The following TMEM131 variants were observed in gnomAD, a reference collection of about 807,000 sequenced individuals.
TMEM131 encodes the protein 2610524E03Rik.
Under a neutral mutation model 211.6 loss-of-function variants are expected in TMEM131, and 66 were observed. The ratio of observed to expected loss-of-function variants is 0.31; its 90% CI spans 0.26 to 0.38. TMEM131 has a LOEUF of 0.38. Among genes scored for constraint, TMEM131 ranks in the 10% least tolerant of loss-of-function variants. TMEM131 has a pLI of 1.00. For synonymous variants in TMEM131, 844 were observed against 841.3 expected, an observed-to-expected ratio of 1.00 and a Z score of -0.06; for missense variants, 2,036 against 2,299.3, an observed-to-expected ratio of 0.89 and a Z score of 2.34.
At chr2:97,966,818 A>G (rs1296575907) in intron 1 of TMEM131, among the ~76,000 whole-genome samples, 1 of 152,190 alleles carries the variant, frequency 6.6e-6, no homozygotes, top group African/African-American at 2.4e-5. Context: ...CATGAGGACT[A>G]GTTAACTTGC....
rs559745666 is a variant in TMEM131, at chr2:97,857,487, C to T, written c.483+1817G>A. 3.9e-5 allele frequency among the ~76,000 whole-genome samples: 6 copies of T among 152,254 alleles called. No individual in the cohort carries two copies. In the East Asian group the frequency reaches 9.6e-4, roughly 24 times the overall value. On this transcript the variant is annotated intron_variant, in intron 5 of 40. Transcript: ENST00000186436. ...AGGTGAAGCTTGAAGTGTTCAGAAA[C>T]AACAAAATATTGCTTGACTTAGCAA...
At chr2:97,918,426 A>C (rs1352899413) in intron 2 of TMEM131, among the ~76,000 whole-genome samples, 1 of 152,216 alleles carries the variant, frequency 6.6e-6, no homozygotes, top group African/African-American at 2.4e-5. Flanking sequence ...TAGCTATAAA[A>C]TCTTCTTGCC....
intron 25 of TMEM131, among the ~76,000 whole-genome samples, chr2:97,798,111 G>A (rs1680855463): frequency 6.6e-6 from 1 of 152,192 alleles, no homozygotes; most frequent in Non-Finnish European, 1.5e-5. Flanking sequence ...TTATTTTGAA[G>A]GTTACACACG....
rs573477279 is a variant in TMEM131 at position 97,817,394 on chromosome 2, C to T, written c.1183+1219G>A. 2.6e-5 allele frequency among the ~76,000 whole-genome samples: 4 copies of T among 152,252 alleles called. No individual in the cohort carries two copies. In the South Asian group the frequency reaches 8.3e-4, roughly 32 times the overall value. ...CCTGAGGTCAGGAGTTTGAGACCAG[C>T]CTGGCCAACATGGTGAAACCCTGTC... is the stretch of plus-strand genomic sequence containing the variant. On this transcript the variant is annotated intron_variant, in intron 12 of 40. Coordinates refer to ENST00000186436, the MANE Select transcript of TMEM131 (RefSeq NM_015348.2).
At chr2:97,802,857 T>G in intron 22 of TMEM131, 67 bp from the exon 23 acceptor site, 1 of 1,351,304 alleles carries the variant, frequency 7.4e-7, no homozygotes, top group Non-Finnish European at 1.0e-6. Flanking sequence ...CATAAGAAAT[T>G]CAATTAGGCT....
intron 7 of TMEM131, among the ~76,000 whole-genome samples, chr2:97,837,502 TG>T (rs1424957200): frequency 6.6e-6 from 1 of 152,250 alleles, no homozygotes; most frequent in Non-Finnish European, 1.5e-5. Flanking sequence ...ACATAAATTT[TG>T]TATTTCTTAC....
chr2:97,793,675 G>T, intron 29 of TMEM131, 122 bp from the exon 30 acceptor site: 1 of 1,005,968 alleles, frequency 9.9e-7, no homozygotes, highest in Non-Finnish European at 1.4e-6. Context: ...AAACCAAGTT[G>T]TCTGTGACAA....
At chr2:97,936,732 T>C (rs1247509264) in intron 1 of TMEM131, among the ~76,000 whole-genome samples, 2 of 152,180 alleles carry the variant, frequency 1.3e-5, no homozygotes, top group African/African-American at 4.8e-5. Flanking sequence ...CCACCTTATA[T>C]GTTAGTTGTC....
rs200149921 is a variant in TMEM131 at position 97,759,744 on chromosome 2, C to G, written c.5114G>C (p.Gly1705Ala). 3.5e-4 allele frequency: 559 copies of G among 1,612,052 alleles called. No homozygotes were observed. Among genetic ancestry groups the G allele is most frequent in the Non-Finnish European group, 4.6e-4 (538 of 1,179,070 alleles). The change falls in exon 39 of 41, where the codon GGT (glycine) becomes GCT (alanine). Residue 1705 changes from glycine to alanine, a missense_variant. Gly to Ala is a moderately conservative substitution (Grantham distance 60). Transcript: ENST00000186436. ...TGGGTTGCTGACGGGACTCCACAAACCCGAGCTAAATGTTACAAGAGGAAA... is the reference window on the plus strand; with the variant it reads ...TGGGTTGCTGACGGGACTCCACAAAGCCGAGCTAAATGTTACAAGAGGAAA... ...PVDSDGSDSS[G>A]LWSPVSNPSS...
chr2:97,919,547 C>G (rs1035416405), intron 2 of TMEM131, among the ~76,000 whole-genome samples: 1 of 152,048 alleles, frequency 6.6e-6, no homozygotes, highest in African/African-American at 2.4e-5. Context: ...TCTCTAGTTG[C>G]TTTTAGAATG....
At chr2:97,794,879 C>A in intron 29 of TMEM131, 51 bp downstream of exon 29, 1 of 1,469,160 alleles carries the variant, frequency 6.8e-7, no homozygotes, top group South Asian at 1.3e-5. Context: ...GGCACTCGAT[C>A]AACAGTGTTA....
At chr2:97,964,694 T>G in intron 1 of TMEM131, among the ~76,000 whole-genome samples, 1 of 152,194 alleles carries the variant, frequency 6.6e-6, no homozygotes, top group Non-Finnish European at 1.5e-5. Flanking sequence ...TAACCATATC[T>G]CCTAAATGCT....
intron 11 of TMEM131, among the ~76,000 whole-genome samples, chr2:97,825,949 G>A (rs1682362330): frequency 6.6e-6 from 1 of 152,242 alleles, no homozygotes; most frequent in Non-Finnish European, 1.5e-5. Context: ...GATAGCAGAT[G>A]CTACTCCTTG....
chr2:97,962,471 T>C (rs1421067308), intron 1 of TMEM131, among the ~76,000 whole-genome samples: 2 of 152,130 alleles, frequency 1.3e-5, no homozygotes, highest in Non-Finnish European at 2.9e-5. Context: ...GCCACTGCAC[T>C]CCAGCCTGGG....
chr2:97,976,145 A>C (rs1679524304), intron 1 of TMEM131, among the ~76,000 whole-genome samples: 1 of 152,180 alleles, frequency 6.6e-6, no homozygotes, highest in Non-Finnish European at 1.5e-5. Flanking sequence ...ATTATGAACA[A>C]GACAGAGATG....
chr2:97,779,471 G>C (rs557965138), intron 31 of TMEM131, among the ~76,000 whole-genome samples: 7 of 152,312 alleles, frequency 4.6e-5, no homozygotes, highest in South Asian at 2.1e-4. Flanking sequence ...TAAGGGTCTT[G>C]TCTCTTCCTT....
At chr2:97,945,652 C>T (rs745674910) in intron 1 of TMEM131, among the ~76,000 whole-genome samples, 4 of 151,860 alleles carry the variant, frequency 2.6e-5, no homozygotes, top group African/African-American at 9.7e-5. Context: ...AGATTGTGCA[C>T]GGGGAGGAGA....
chr2:97,891,604 G>A (rs1388163519), intron 3 of TMEM131, among the ~76,000 whole-genome samples: 3 of 152,112 alleles, frequency 2.0e-5, no homozygotes, highest in Non-Finnish European at 2.9e-5. Flanking sequence ...TGTGGGAAAT[G>A]GTCATACTGC....
In TMEM131 at chr2:97,846,584, CTGCAGCCCATGGGCTGCA is replaced by C. The variant is rs377724730; in HGVS notation, c.484-2341_484-2324del. 8.3e-4 allele frequency among the ~76,000 whole-genome samples: 127 copies of C among 152,264 alleles called. 2 individuals are homozygous for C. The East Asian group carries it at 0.02, about 24-fold the overall frequency. On this transcript the variant is annotated intron_variant, in intron 5 of 40. Coordinates refer to ENST00000186436, the MANE Select transcript of TMEM131 (RefSeq NM_015348.2). ...AAAACCCTAAAGAAGCTTGTCCATC[CTGCAGCCCATGGGCTGCA>C]TGCAGCCCAGGATAGCTTGAATTGG...
Sources: allele counts gnomAD v4.1 joint callset (sites outside exome capture counted in the v4.1 genomes callset), GRCh38; gene constraint gnomAD v4.1.1; transcripts MANE v1.5; gene names NCBI Gene and HGNC (gene_info 2026-07-23, HGNC 2026-07-21).